ARHGEF28: variants seen among roughly 807,000 people sequenced by gnomAD.
ARHGEF28 encodes the protein 190 kDa guanine nucleotide exchange factor.
ARHGEF28 carries 152 observed loss-of-function variants against 206.6 expected under a neutral mutation model. The observed-to-expected ratio is 0.74, with a 90% CI of 0.64 to 0.84. ARHGEF28 has a LOEUF of 0.84. Ranked by LOEUF, ARHGEF28 falls within the 40% of genes least tolerant of loss-of-function variation. The pLI, the probability that ARHGEF28 is intolerant of heterozygous loss-of-function variation, is 0.00. For synonymous variants in ARHGEF28, 763 were observed against 776.4 expected (o/e 0.98, Z 0.29); for missense variants, 2,028 against 2,073.2 (o/e 0.98, Z 0.42).
At chr5:73,745,120 A>G (rs1751651666) in intron 2 of ARHGEF28, among the ~76,000 whole-genome samples, 1 of 152,022 alleles carries the variant, frequency 6.6e-6, no homozygotes, top group Non-Finnish European at 1.5e-5. Context: ...CAGTCATGCC[A>G]TATATTTAAG....
chr5:73,729,176 CT>C (rs1750458738), intron 2 of ARHGEF28, among the ~76,000 whole-genome samples: 1 of 152,088 alleles, frequency 6.6e-6, no homozygotes, highest in African/African-American at 2.4e-5. Context: ...GCTGTGTGAT[CT>C]TAGGCAAGTT....
At chr5:73,658,195 C>G (rs1419839948) in intron 1 of ARHGEF28, among the ~76,000 whole-genome samples, 1 of 151,918 alleles carries the variant, frequency 6.6e-6, no homozygotes, top group Non-Finnish European at 1.5e-5. Flanking sequence ...GCAAGCTCAC[C>G]CTGCCCACTC....
intron 9 of ARHGEF28, among the ~76,000 whole-genome samples, chr5:73,797,062 TGTA>T (rs1754865285): frequency 6.6e-6 from 1 of 152,226 alleles, no homozygotes; most frequent in Admixed American, 6.5e-5. Flanking sequence ...CTACGGAAAT[TGTA>T]GTAGTCTGAC....
intron 2 of ARHGEF28, among the ~76,000 whole-genome samples, chr5:73,693,303 C>T (rs1747963281): frequency 6.6e-6 from 1 of 152,162 alleles, no homozygotes; most frequent in African/African-American, 2.4e-5. Context: ...TGCCTTTGAG[C>T]TTTCTGACAT....
chr5:73,940,715 G>T, intron 35 of ARHGEF28, 129 bp from the exon 36 acceptor site: 1 of 694,520 alleles, frequency 1.4e-6, no homozygotes, highest in Non-Finnish European at 2.1e-6. Context: ...CTTTCTCATT[G>T]GGCTTGGCCA....
At chr5:73,927,217 A>G (rs1215366433) in intron 35 of ARHGEF28, among the ~76,000 whole-genome samples, 1 of 152,032 alleles carries the variant, frequency 6.6e-6, no homozygotes, top group Admixed American at 6.5e-5. Context: ...TAAAAATAAA[A>G]AATAAAAAAC....
chr5:73,749,014 C>T (rs1051292085), intron 2 of ARHGEF28, among the ~76,000 whole-genome samples: 2 of 152,162 alleles, frequency 1.3e-5, no homozygotes, highest in Non-Finnish European at 2.9e-5. Context: ...CTTCCTTTGA[C>T]ATTAGTCCTC....
chr5:73,671,709 TATATATATATATATATATATATATATATA>T (rs553005570), intron 1 of ARHGEF28, among the ~76,000 whole-genome samples: 572 of 12,138 alleles, frequency 0.047, 5 homozygotes, highest in South Asian at 0.078. Context: ...TATATATATA[TATATATATATATATATATATATATATATA>T]TTTTTTTTTT....
At chr5:73,747,756 G>A (rs1210778520) in intron 2 of ARHGEF28, among the ~76,000 whole-genome samples, 1 of 152,086 alleles carries the variant, frequency 6.6e-6, no homozygotes, top group Non-Finnish European at 1.5e-5. Flanking sequence ...TCCTTAATGG[G>A]CATGTCTTAT....
Position 73,794,397 on chromosome 5 carries a change from T to G in ARHGEF28, c.911-5T>G. ...AGCAGATCCTGATAATTATTTCTTT[T>G]GCAGAGATTAAGAATTCAGTGTCCA... is the stretch of plus-strand genomic sequence containing the variant. On this transcript the variant is annotated splice_region_variant and splice_polypyrimidine_tract_variant and intron_variant, in intron 7 of 35. Transcript: ENST00000513042. 6.3e-7 allele frequency: 1 copy of G among 1,593,800 alleles called. No homozygotes were observed. The highest frequency in any genetic ancestry group is 8.6e-7 in the Non-Finnish European group (1 of 1,168,780).
intron 35 of ARHGEF28, among the ~76,000 whole-genome samples, chr5:73,924,572 G>A (rs931522183): frequency 3.3e-5 from 5 of 152,240 alleles, no homozygotes; most frequent in African/African-American, 7.2e-5. Flanking sequence ...TGGTGCATTC[G>A]AGCCACTGGG....
chr5:73,693,661 A>T (rs1232801589), intron 2 of ARHGEF28, among the ~76,000 whole-genome samples: 1 of 152,200 alleles, frequency 6.6e-6, no homozygotes, highest in African/African-American at 2.4e-5. Flanking sequence ...GTTTTTAGCG[A>T]ATTATATTAA....
rs562578800 is a variant in ARHGEF28 at position 73,709,281 on chromosome 5, C to T, written c.33+24397C>T. 5.3e-5 allele frequency among the ~76,000 whole-genome samples: 8 copies of T among 152,076 alleles called. No individual in the cohort carries two copies. The South Asian group carries it at 1.7e-3, about 32-fold the overall frequency. On this transcript the variant is annotated intron_variant, in intron 2 of 35. Transcript: ENST00000513042. ...CAAATGTACAGTGTTGTATCCATCT[C>T]CACAGAACCATATAAAACACTTCCA...
chr5:73,768,540 T>C (rs1753040498), intron 4 of ARHGEF28, among the ~76,000 whole-genome samples: 1 of 152,132 alleles, frequency 6.6e-6, no homozygotes, highest in African/African-American at 2.4e-5. Context: ...GCCTGTAGCC[T>C]CTTTGTTTTG....
chr5:73,882,343 G>A, intron 22 of ARHGEF28, 129 bp from the exon 23 acceptor site: 1 of 695,908 alleles, frequency 1.4e-6, no homozygotes, highest in Non-Finnish European at 2.2e-6. Context: ...AAGTGATTGT[G>A]TTCAGAAATT....
At chr5:73,760,812 A>G (rs181547173) in intron 4 of ARHGEF28, among the ~76,000 whole-genome samples, 12 of 152,346 alleles carry the variant, frequency 7.9e-5, no homozygotes, top group African/African-American at 2.6e-4. Flanking sequence ...TTCATTTTTC[A>G]GTTTAAGTAG....
At chr5:73,797,821 G>A (rs1754908266) in intron 9 of ARHGEF28, among the ~76,000 whole-genome samples, 1 of 152,170 alleles carries the variant, frequency 6.6e-6, no homozygotes, top group Non-Finnish European at 1.5e-5. Context: ...AGAATTGTGT[G>A]GTGTGGATGT....
chr5:73,899,668 TG>T (rs1298344030), intron 30 of ARHGEF28: 2 of 152,242 alleles, frequency 1.3e-5, no homozygotes, highest in Non-Finnish European at 2.9e-5. Flanking sequence ...TGTGACTGAA[TG>T]GGTCGGTTCT....
At chr5:73,672,823 T>A (rs562706707) in intron 1 of ARHGEF28, among the ~76,000 whole-genome samples, 2 of 152,222 alleles carry the variant, frequency 1.3e-5, no homozygotes, top group South Asian at 4.1e-4. Context: ...GAAATACAAG[T>A]GAGTGTGACA....
Sources: allele counts gnomAD v4.1 joint callset (sites outside exome capture counted in the v4.1 genomes callset), GRCh38; gene constraint gnomAD v4.1.1; transcripts MANE v1.5; gene names NCBI Gene and HGNC (gene_info 2026-07-23, HGNC 2026-07-21).